The following CDAN1 variants were observed in gnomAD, a reference collection of about 807,000 sequenced individuals.
CDAN1 encodes the protein codanin 1.
In CDAN1, 107 loss-of-function variants were observed where a neutral mutation model predicts 139.8. That is an observed-to-expected ratio of 0.77 (90% CI 0.65 to 0.90). The LOEUF (loss-of-function observed/expected upper bound fraction) is 0.90. CDAN1 is among the 40% of genes least tolerant of loss of function. The pLI, the probability that CDAN1 is intolerant of heterozygous loss-of-function variation, is 0.00. For synonymous variants in CDAN1, 776 were observed against 660.6 expected, an observed-to-expected ratio of 1.17 and a Z score of -2.68; for missense variants, 1,667 against 1,575.7, an observed-to-expected ratio of 1.06 and a Z score of -0.98.
In CDAN1 at chr15:42,727,669, G is replaced by A. The variant is rs375979132; in HGVS notation, c.3048C>T (p.Ala1016=). The change falls in exon 23 of 28, where the codon GCC becomes GCT. Residue 1016 remains alanine (A), a synonymous_variant. Coordinates refer to ENST00000356231, the MANE Select transcript of CDAN1 (RefSeq NM_138477.4). ...AGGGGAGGGGAGCATGGTGCTCACA[G>A]GCGCGGGAGCAGCCCCTCCGCTCCC... ...ARGERRGCSR[A]CEHHAPLPSH... 3 of 1,589,982 alleles carry A rather than the reference G, an allele frequency of 1.9e-6. No homozygotes were observed. The African/African-American group carries it at 4.0e-5, about 21-fold the overall frequency.
rs370515022 is a variant in CDAN1 at position 42,731,644 on chromosome 15, C to G, written c.1715G>C (p.Arg572Thr). 8 of 1,614,008 alleles carry G rather than the reference C, an allele frequency of 5.0e-6. No individual in the cohort carries two copies. Among genetic ancestry groups the G allele is most frequent in the Middle Eastern group, 3.3e-4 (2 of 6,060 alleles). Residue 572 changes from arginine (R) to threonine (T), a missense_variant, in exon 11 of 28, where the codon AGG becomes ACG. Arg to Thr is a moderately conservative substitution (Grantham distance 71, BLOSUM62 -1). Around this residue, in one of 3 missense-constraint regions of CDAN1, gnomAD observed 936 missense variants for 844.1 expected, o/e 1.11. Transcript: ENST00000356231. ...PTFPGCQGFF[R>T]DFILSASSFQ... is the part of the protein sequence containing the mutation. Reference sequence around the variant, plus strand: ...CCTGCTGGCACTAAGGATGAAGTCCCTAAAGAAGCCTTGACAGCCTGGGAA... The same window carrying G: ...CCTGCTGGCACTAAGGATGAAGTCCGTAAAGAAGCCTTGACAGCCTGGGAA...
Position 42,735,333 on chromosome 15 carries a change from A to G in CDAN1, c.985T>C (p.Phe329Leu). 1.2e-6 allele frequency: 2 copies of G among 1,609,936 alleles called. No individual in the cohort carries two copies. The highest frequency in any genetic ancestry group is 2.2e-5 in the South Asian group (2 of 90,062). The change falls in exon 5 of 28, where the codon TTT becomes CTT. Residue 329 changes from phenylalanine to leucine, a missense_variant. By Grantham distance (22) the Phe-to-Leu change is conservative (BLOSUM62 0). This residue lies in a region of CDAN1 where 244 missense variants were observed against 309.4 expected (regional missense o/e 0.79). Transcript: ENST00000356231. Reference sequence around the variant, plus strand: ...ATCCTCCGGGCAGTGAGGAGCTGAAAGACGAAGAAAAGCTCCAAGAAGAGG... The same window carrying G: ...ATCCTCCGGGCAGTGAGGAGCTGAAGGACGAAGAAAAGCTCCAAGAAGAGG... ...PNLFLELFFV[F>L]QLLTARRMVT...
chr15:42,730,139 A>G lies in CDAN1; in HGVS notation c.2251T>C (p.Trp751Arg). The change falls in exon 15 of 28, where the codon TGG (tryptophan) becomes CGG (arginine). Residue 751 changes from tryptophan (W) to arginine (R), a missense_variant. Trp to Arg is a moderately radical substitution (Grantham distance 101). Transcript: ENST00000356231. ...NKLLLLAVLG[W>R]LFQIPTVPED... is the part of the protein sequence containing the mutation. ...CTCACTCTGCCCACCTGGAAAAGCCAGCCCAGGACAGCAAGTAGCAGCAGC... is the reference window on the plus strand; with the variant it reads ...CTCACTCTGCCCACCTGGAAAAGCCGGCCCAGGACAGCAAGTAGCAGCAGC... 2 of 1,614,154 alleles carry G rather than the reference A, an allele frequency of 1.2e-6. No homozygotes were observed. Among genetic ancestry groups the G allele is most frequent in the Non-Finnish European group, 1.7e-6 (2 of 1,179,970 alleles).
intron 6 of CDAN1, 26 bp downstream of exon 6, chr15:42,735,074 C>G (rs371291036): frequency 1.2e-4 from 183 of 1,550,488 alleles, no homozygotes; most frequent in Non-Finnish European, 1.5e-4. Flanking sequence ...GAATGAGGCC[C>G]AAATGCCTCA....
Position 42,730,612 on chromosome 15 carries a change from C to G in CDAN1, c.2160G>C (p.Leu720=). 6.2e-7 allele frequency: 1 copy of G among 1,614,210 alleles called. No homozygotes were observed. Among genetic ancestry groups the G allele is most frequent in the South Asian group, 1.1e-5 (1 of 91,080 alleles). The change falls in exon 14 of 28, where the codon CTG becomes CTC. Residue 720 remains leucine, a synonymous_variant. Coordinates refer to ENST00000356231, the MANE Select transcript of CDAN1 (RefSeq NM_138477.4). ...GTTCCACTCACCGGTGCAGGCGCAG[C>G]AGGAGAGTGAAGATGTCCCGGTAAT... The part of the protein sequence containing the change: ...LEYYRDIFTL[L]LRLHRSLVLS...
At chr15:42,727,790 G>GGGAAA in intron 22 of CDAN1, 21 bp from the exon 23 acceptor site, 1 of 1,607,414 alleles carries the variant, frequency 6.2e-7, no homozygotes, top group Non-Finnish European at 8.5e-7. Context: ...GAGGGAGAAT[G>GGGAAA]GGAAAGGAAT....
chr15:42,726,407 GAGAGCACGTCCTGTGA>G lies in CDAN1; in HGVS notation c.3097-6_3106del, dbSNP rs1335523292. Reference sequence around the variant, plus strand: ...AGGGTCCCGTGGCCCCACGGCCAAGGAGAGCACGTCCTGTGAAGAGCAGGGGGAGATATCACCTTGC... The same window carrying G: ...AGGGTCCCGTGGCCCCACGGCCAAGGAGAGCAGGGGGAGATATCACCTTGC... On this transcript the variant is annotated splice_acceptor_variant and splice_polypyrimidine_tract_variant and coding_sequence_variant and intron_variant, in exon 24 of 28. Coordinates refer to ENST00000356231, the MANE Select transcript of CDAN1 (RefSeq NM_138477.4). LOFTEE classifies it high-confidence loss of function. 1 of 1,593,786 alleles carries G rather than the reference GAGAGCACGTCCTGTGA, an allele frequency of 6.3e-7. No individual in the cohort carries two copies. The highest frequency in any genetic ancestry group is 8.5e-7 in the Non-Finnish European group (1 of 1,170,302).
chr15:42,730,228 T>C lies in CDAN1; in HGVS notation c.2175-13A>G. The stretch of plus-strand genomic sequence containing the variant: ...CAACACCAAGCTCCTGAAACATCAA[T>C]GGGCAGTACACGGGTTTGAGCAGAA... On this transcript the variant is annotated splice_polypyrimidine_tract_variant and intron_variant, in intron 14 of 27. Coordinates refer to ENST00000356231, the MANE Select transcript of CDAN1 (RefSeq NM_138477.4). 6.2e-7 allele frequency: 1 copy of C among 1,611,024 alleles called. No homozygotes were observed. Among genetic ancestry groups the C allele is most frequent in the East Asian group, 2.2e-5 (1 of 44,864 alleles).
At position 42,731,843 on chromosome 15, in the gene CDAN1, GGA is replaced by G. The variant is rs1213092007; in HGVS notation, c.1534-20_1534-19del. The G allele has an allele frequency of 1.9e-6, 3 of 1,612,638 alleles. No individual in the cohort carries two copies. The highest frequency in any genetic ancestry group is 2.5e-6 in the Non-Finnish European group (3 of 1,178,878). Reference sequence around the variant, plus strand: ...TGACACATCTAGGGTGGAAGAGGAAGGAGAGAAATTAAAAAAATCAGCAAGTG... The same window carrying G: ...TGACACATCTAGGGTGGAAGAGGAAGGAGAAATTAAAAAAATCAGCAAGTG... On this transcript the variant is annotated intron_variant, in intron 10 of 27. Transcript: ENST00000356231.
In CDAN1 at chr15:42,725,510, C is replaced by T. The variant is rs1338509643; in HGVS notation, c.3429G>A (p.Leu1143=). The T allele has an allele frequency of 1.2e-6, 2 of 1,614,052 alleles. No individual in the cohort carries two copies. The highest frequency in any genetic ancestry group is 1.7e-6 in the Non-Finnish European group (2 of 1,180,034). Residue 1143 remains leucine, a synonymous_variant, in exon 26 of 28, where the codon CTG becomes CTA. Coordinates refer to ENST00000356231, the MANE Select transcript of CDAN1 (RefSeq NM_138477.4). ...LLLSPRNVGL[L]ADTRPREWDL... is the part of the protein sequence containing the mutation. ...TCACCTCCCTTGGCCTTGTGTCTGC[C>T]AGAAGCCCCACATTTCTTGGGCTCA...
intron 7 of CDAN1, 80 bp downstream of exon 7, chr15:42,734,146 C>T (rs1238524293): frequency 1.1e-5 from 17 of 1,607,386 alleles, no homozygotes; most frequent in Admixed American, 5.0e-5. Flanking sequence ...ACTGAAGTGT[C>T]GTCAGCAGGG....
In CDAN1 at chr15:42,729,619, T is replaced by G; in HGVS notation, c.2356A>C (p.Asn786His). ...AGCTGCTGGTCCACCACAGGCGCATTGTCCTGGGGAGAAAAGGTTGGTGTC... is the reference window on the plus strand; with the variant it reads ...AGCTGCTGGTCCACCACAGGCGCATGGTCCTGGGGAGAAAAGGTTGGTGTC... ...DTVAPEHGLD[N>H]APVVDQQLLY... is the part of the protein sequence containing the mutation. Residue 786 changes from asparagine to histidine, a missense_variant, in exon 17 of 28, where the codon AAT (asparagine) becomes CAT (histidine). Around this residue, in one of 3 missense-constraint regions of CDAN1, gnomAD observed 936 missense variants for 844.1 expected, o/e 1.11. Transcript: ENST00000356231. 6.2e-7 allele frequency: 1 copy of G among 1,613,848 alleles called. No individual in the cohort carries two copies. Among genetic ancestry groups the G allele is most frequent in the Non-Finnish European group, 8.5e-7 (1 of 1,179,918 alleles).
intron 6 of CDAN1, 113 bp from the exon 7 acceptor site, chr15:42,734,459 G>C: frequency 2.3e-6 from 3 of 1,285,248 alleles, no homozygotes; most frequent in Non-Finnish European, 3.3e-6. Flanking sequence ...TGCAAGCCCA[G>C]ATATGTACTG....
chr15:42,727,880 A>G, intron 22 of CDAN1, 75 bp downstream of exon 22: 1 of 1,600,218 alleles, frequency 6.2e-7, no homozygotes, highest in Non-Finnish European at 8.6e-7. Flanking sequence ...CCCATCGCCC[A>G]CAAGATGCCT....
rs1380072173 is a variant in CDAN1 at position 42,728,286 on chromosome 15, G to A, written c.2805-19C>T. ...ACAGAACCTAAAAGGGGACAGATGG[G>A]GTCAGTGATCTCTGGGTATTTCAGC... On this transcript the variant is annotated intron_variant, in intron 20 of 27. Coordinates refer to ENST00000356231, the MANE Select transcript of CDAN1 (RefSeq NM_138477.4). 6.2e-7 allele frequency: 1 copy of A among 1,613,246 alleles called. No homozygotes were observed.
intron 16 of CDAN1, 70 bp from the exon 17 acceptor site, chr15:42,729,692 G>C: frequency 6.3e-7 from 1 of 1,599,598 alleles, no homozygotes; most frequent in South Asian, 1.1e-5. Flanking sequence ...GCAGTTGGCA[G>C]GGCCTTTACA....
rs2061573078 is a variant in CDAN1, at chr15:42,729,114, G to A, written c.2554C>T (p.Gln852Ter). ...GGCGGCTGGTTGTGGAAAAAGGCCT[G>A]GGCGAGCTGTGCCTGGGGGGAGGAG... ...TSQGLQAQLAQAFFHNQPPSL... is the reference protein window; with the variant it reads ...TSQGLQAQLA The change falls in exon 19 of 28, where the codon CAG becomes TAG. Residue 852 changes from glutamine (Q) to a stop codon, truncating the protein, a stop_gained. Coordinates refer to ENST00000356231, the MANE Select transcript of CDAN1 (RefSeq NM_138477.4). LOFTEE classifies it high-confidence loss of function. The A allele has an allele frequency of 6.2e-7, 1 of 1,614,206 alleles. No individual in the cohort carries two copies. Among genetic ancestry groups the A allele is most frequent in the Non-Finnish European group, 8.5e-7 (1 of 1,180,030 alleles).
At chr15:42,732,205 A>G (rs2140492035) in intron 10 of CDAN1, 128 bp downstream of exon 10, 1 of 913,676 alleles carries the variant, frequency 1.1e-6, no homozygotes. Flanking sequence ...CGCGAGGAGT[A>G]GAACTCTTGT....
chr15:42,726,556 C>T, intron 23 of CDAN1, 139 bp from the exon 24 acceptor site: 1 of 677,332 alleles, frequency 1.5e-6, no homozygotes, highest in Non-Finnish European at 2.6e-6. Context: ...CAAGTTGCCC[C>T]TAGACCTGGG....
Sources: allele counts gnomAD v4.1 joint callset, GRCh38; gene constraint gnomAD v4.1.1; regional missense constraint gnomAD v4.1.1; transcripts MANE v1.5; gene names NCBI Gene and HGNC (gene_info 2026-07-23, HGNC 2026-07-21).